The following ADCY10 variants were observed in gnomAD, a reference collection of about 807,000 sequenced individuals.
The protein encoded by ADCY10 is adenylate cyclase type 10.
ADCY10 carries 156 observed loss-of-function variants against 183.3 expected under a neutral mutation model. That is an observed-to-expected ratio of 0.85 (90% CI 0.75 to 0.97). The LOEUF (loss-of-function observed/expected upper bound fraction) is 0.97. Among genes scored for constraint, ADCY10 ranks in the 50% least tolerant of loss-of-function variants. The probability of loss-of-function intolerance (pLI) is 0.00; values close to 1 mark genes in which losing one functional copy is unlikely to be tolerated. For missense variants in ADCY10, 1,745 were observed against 1,934.3 expected (o/e 0.90, Z 1.84); for synonymous variants, 645 against 670.0 (o/e 0.96, Z 0.58).
At chr1:167,833,556 G>A (rs1261500973) in intron 24 of ADCY10, among the ~76,000 whole-genome samples, 2 of 152,124 alleles carry the variant, frequency 1.3e-5, no homozygotes, top group Non-Finnish European at 2.9e-5. Flanking sequence ...GACCAGCCTG[G>A]CCAACATGGT....
intron 19 of ADCY10, among the ~76,000 whole-genome samples, 156 bp downstream of exon 19, chr1:167,848,205 T>A (rs1665189277): frequency 6.6e-6 from 1 of 151,984 alleles, no homozygotes; most frequent in African/African-American, 2.4e-5. Flanking sequence ...TACAGGTGTG[T>A]GCCTGGCTAA....
intron 32 of ADCY10, among the ~76,000 whole-genome samples, chr1:167,810,427 C>T (rs1662129726): frequency 2.0e-5 from 3 of 152,158 alleles, no homozygotes; most frequent in African/African-American, 7.2e-5. Context: ...GAGGGCTCTG[C>T]CCTCATAAAA....
chr1:167,872,969 C>G (rs1470402774), intron 13 of ADCY10, among the ~76,000 whole-genome samples: 1 of 151,728 alleles, frequency 6.6e-6, no homozygotes, highest in African/African-American at 2.4e-5. Context: ...ACTTGGGAAG[C>G]TGAGGCAGAA....
In ADCY10 at chr1:167,825,322, CTTT is replaced by C. The variant is rs34844073; in HGVS notation, c.3751-470_3751-468del. On this transcript the variant is annotated intron_variant, in intron 26 of 32. Transcript: ENST00000367851. The stretch of plus-strand genomic sequence containing the variant: ...AGAAAGGTTGGTTTTGTTTGTTTGG[CTTT>C]TTTTTTTTTTTTAAATAAGGACTAG... Among the ~76,000 whole-genome samples the C allele has an allele frequency of 5.7e-3, 805 of 141,428 alleles. 5 individuals carry two copies. The highest frequency in any genetic ancestry group is 0.016 in the African/African-American group (603 of 38,380). The allele number at this position is 141,428 out of a possible 152,430, so 92.8% of individuals were successfully genotyped here. A position where few individuals can be genotyped will look rare whatever the true frequency, so the allele number is the denominator to read the frequency against.
intron 2 of ADCY10, among the ~76,000 whole-genome samples, chr1:167,904,206 G>T (rs970256265): frequency 4.0e-5 from 6 of 150,516 alleles, no homozygotes; most frequent in African/African-American, 1.5e-4. Context: ...TCCTGCCTCA[G>T]CCTTCCGAGC....
chr1:167,841,088 C>G (rs1352652327), intron 21 of ADCY10, among the ~76,000 whole-genome samples: 1 of 151,822 alleles, frequency 6.6e-6, no homozygotes, highest in Non-Finnish European at 1.5e-5. Context: ...CTACAGGCAC[C>G]TGCCACCACA....
At chr1:167,889,597 T>C (rs1295250908) in intron 8 of ADCY10, among the ~76,000 whole-genome samples, 2 of 152,158 alleles carry the variant, frequency 1.3e-5, no homozygotes, top group African/African-American at 4.8e-5. Flanking sequence ...GTAGAATGAG[T>C]TTGGAAGTAT....
chr1:167,844,878 A>G (rs1664889374), intron 21 of ADCY10, among the ~76,000 whole-genome samples: 1 of 152,084 alleles, frequency 6.6e-6, no homozygotes, highest in Non-Finnish European at 1.5e-5. Context: ...GCAGCCCATT[A>G]GGAGCTCCCT....
rs1000521931 is a variant in ADCY10 at position 167,810,946 on chromosome 1, A to C, written c.4483-33T>G. 1.9e-6 allele frequency: 3 copies of C among 1,597,658 alleles called. No individual in the cohort carries two copies. The African/African-American group carries it at 4.0e-5, about 21-fold the overall frequency. ...AAAAAAACCCACAACAGTATATTAG[A>C]ATTAAACAGGGGTCCTTGACTGTAA... is the stretch of plus-strand genomic sequence containing the variant. On this transcript the variant is annotated intron_variant, in intron 31 of 32. Coordinates refer to ENST00000367851, the MANE Select transcript of ADCY10 (RefSeq NM_018417.6).
In ADCY10 at chr1:167,846,815, CGG is replaced by C. The variant is rs1292931024; in HGVS notation, c.2438-554_2438-553del. Among the ~76,000 whole-genome samples the C allele has an allele frequency of 1.5e-3, 149 of 102,666 alleles. 2 individuals are homozygous for C. In the South Asian group the frequency reaches 0.039, roughly 27 times the overall value. The allele number at this position is 102,666 out of a possible 152,430, so 67.4% of individuals were successfully genotyped here. On this transcript the variant is annotated intron_variant, in intron 19 of 32. Coordinates refer to ENST00000367851, the MANE Select transcript of ADCY10 (RefSeq NM_018417.6). The stretch of plus-strand genomic sequence containing the variant: ...CAACTTTTCATCTAAGCTTGAATAT[CGG>C]TAGCTCATGTGACTTTCTGGACATT...
At position 167,901,645 on chromosome 1, in the gene ADCY10, C is replaced by A; in HGVS notation, c.436+17G>T. On this transcript the variant is annotated intron_variant, in intron 5 of 32. Transcript: ENST00000367851. ...TATCCCAGCTGCCGTAGGATTTATT[C>A]CTTCTCAAATGCTTACCTATCTTGA... 1 of 1,613,516 alleles carries A rather than the reference C, an allele frequency of 6.2e-7. No individual in the cohort carries two copies. The highest frequency in any genetic ancestry group is 8.5e-7 in the Non-Finnish European group (1 of 1,179,686).
chr1:167,819,420 G>T (rs1315369239), intron 30 of ADCY10, among the ~76,000 whole-genome samples: 1 of 151,836 alleles, frequency 6.6e-6, no homozygotes, highest in African/African-American at 2.4e-5. Flanking sequence ...TATATTTTTA[G>T]TAGAGACACG....
At chr1:167,865,777 C>G (rs1666633605) in intron 14 of ADCY10, among the ~76,000 whole-genome samples, 2 of 152,196 alleles carry the variant, frequency 1.3e-5, no homozygotes, top group Non-Finnish European at 2.9e-5. Context: ...GCACATTAAA[C>G]AAAAGCAGTT....
intron 31 of ADCY10, among the ~76,000 whole-genome samples, chr1:167,813,711 T>C (rs1468365414): frequency 6.6e-6 from 1 of 152,182 alleles, no homozygotes; most frequent in African/African-American, 2.4e-5. Context: ...GTTTTTAAAA[T>C]TTAGTAGCCC....
intron 30 of ADCY10, 60 bp downstream of exon 30, chr1:167,821,964 T>TA: frequency 8.5e-7 from 1 of 1,178,462 alleles, no homozygotes; most frequent in Non-Finnish European, 1.3e-6. Flanking sequence ...TTTCAAGAAC[T>TA]CTTCCTTGGG....
intron 2 of ADCY10, among the ~76,000 whole-genome samples, chr1:167,904,365 C>T (rs1669675148): frequency 1.3e-5 from 2 of 152,070 alleles, no homozygotes; most frequent in Admixed American, 1.3e-4. Context: ...GGATTGCAGG[C>T]GTGAGCCACC....
intron 8 of ADCY10, among the ~76,000 whole-genome samples, chr1:167,891,727 G>A (rs892335400): frequency 1.3e-5 from 2 of 151,218 alleles, no homozygotes; most frequent in African/African-American, 4.9e-5. Context: ...CCTGAATTTT[G>A]TTAATTAAAT....
intron 18 of ADCY10, among the ~76,000 whole-genome samples, chr1:167,852,940 A>G (rs898282125): frequency 2.0e-5 from 3 of 152,228 alleles, no homozygotes; most frequent in Non-Finnish European, 4.4e-5. Context: ...GGATAGGGAC[A>G]TCTGAGCATC....
chr1:167,897,269 T>G (rs947050141), intron 6 of ADCY10, among the ~76,000 whole-genome samples: 2 of 150,142 alleles, frequency 1.3e-5, no homozygotes, highest in African/African-American at 4.9e-5. Context: ...GCAGATTGCT[T>G]GAGCTCAGGA....
Sources: gnomAD v4.1 joint callset for allele counts (sites outside exome capture counted in the v4.1 genomes callset) on GRCh38, gnomAD v4.1.1 for gene constraint, MANE v1.5 for transcripts, NCBI Gene and HGNC (gene_info 2026-07-23, HGNC 2026-07-21) for gene names.